Variants in COX15 observed in about 807,000 individuals in gnomAD.
COX15 encodes the protein heme A synthase COX15.
A neutral mutation model predicts 51.9 loss-of-function variants in COX15; 51 were observed. The ratio of observed to expected loss-of-function variants is 0.98; its 90% CI spans 0.78 to 1.24. COX15 has a LOEUF of 1.24. Among genes scored for constraint, COX15 ranks in the 50% most tolerant of loss-of-function variants. The pLI, the probability that COX15 is intolerant of heterozygous loss-of-function variation, is 0.00. For synonymous variants in COX15, 188 were observed against 190.5 expected, an observed-to-expected ratio of 0.99 and a Z score of 0.11; for missense variants, 420 against 501.1, an observed-to-expected ratio of 0.84 and a Z score of 1.55.
chr10:99,726,855 T>G (rs1208234717), intron 4 of COX15, 113 bp downstream of exon 4: 76 of 1,089,328 alleles, frequency 7.0e-5, no homozygotes, highest in Non-Finnish European at 8.4e-5. Context: ...GCCACTGCAC[T>G]CCAGCCTGGG....
intron 8 of COX15, among the ~76,000 whole-genome samples, chr10:99,715,637 T>C (rs1384906011): frequency 6.8e-6 from 1 of 146,464 alleles, no homozygotes; most frequent in East Asian, 2.0e-4. Context: ...AGACTCCATC[T>C]CTAAAAAAAA....
chr10:99,712,115 C>T lies in COX15; in HGVS notation c.*2472G>A, dbSNP rs189947699. 4.7e-5 allele frequency: 25 copies of T among 532,618 alleles called. No individual in the cohort carries two copies. Among genetic ancestry groups the T allele is most frequent in the African/African-American group, 2.3e-4 (11 of 48,340 alleles). 33.0% of individuals were successfully genotyped at this position (532,618 alleles called of 1,614,324 possible). ...GGCACAAAGTCATACATAAGGGATC[C>T]GCCCCCATGACCCAAATACCTCCTA... On this transcript the variant is annotated 3_prime_UTR_variant, in exon 9 of 9. Coordinates refer to ENST00000016171, the MANE Select transcript of COX15 (RefSeq NM_078470.6).
At chr10:99,710,161 C>A (rs1255447240), downstream of COX15, 2 of 985,300 alleles carry the variant, frequency 2.0e-6, no homozygotes, top group African/African-American at 3.5e-5. Context: ...TCCAAGGCAG[C>A]CCTGGTACTT....
At chr10:99,696,814 C>G in the COX15 span, among the ~76,000 whole-genome samples, 1 of 152,112 alleles carries the variant, frequency 6.6e-6, no homozygotes, top group Non-Finnish European at 1.5e-5. Flanking sequence ...TAAATTTACA[C>G]AAAATTTTGG....
chr10:99,708,845 A>G (rs1362283649), downstream of COX15: 4 of 985,338 alleles, frequency 4.1e-6, no homozygotes, highest in African/African-American at 7.0e-5. Flanking sequence ...TGTCAGCTAC[A>G]ATGAAATGCT....
At chr10:99,696,473 TG>T in the COX15 span, among the ~76,000 whole-genome samples, 1 of 152,378 alleles carries the variant, frequency 6.6e-6, no homozygotes, top group African/African-American at 2.4e-5. Flanking sequence ...TGCATGGAAG[TG>T]TTCAAGACAT....
In COX15 at chr10:99,729,765, G is replaced by C. The variant is rs377600942; in HGVS notation, c.91-31C>G. On this transcript the variant is annotated intron_variant, in intron 1 of 8. Coordinates refer to ENST00000016171, the MANE Select transcript of COX15 (RefSeq NM_078470.6). Reference sequence around the variant, plus strand: ...GATCAAGATAGACAAATTACAACTGGAGAAACAGGGAATGGCTGCTACCCA... The same window carrying C: ...GATCAAGATAGACAAATTACAACTGCAGAAACAGGGAATGGCTGCTACCCA... The C allele has an allele frequency of 1.9e-6, 3 of 1,610,896 alleles. No individual in the cohort carries two copies. In the African/African-American group the frequency reaches 4.0e-5, roughly 22 times the overall value.
intron 6 of COX15, among the ~76,000 whole-genome samples, chr10:99,719,059 A>G (rs1045646239): frequency 5.3e-5 from 8 of 152,190 alleles, no homozygotes; most frequent in African/African-American, 1.9e-4. Context: ...CAAATGCTCA[A>G]TAAATGTTTG....
At chr10:99,728,482 C>T (rs767673378) in intron 2 of COX15, among the ~76,000 whole-genome samples, 8 of 152,166 alleles carry the variant, frequency 5.3e-5, no homozygotes, top group Admixed American at 2.6e-4. Flanking sequence ...CTTTCCTATA[C>T]AAACTATACC....
At chr10:99,716,096 A>T (rs1325324028) in intron 8 of COX15, among the ~76,000 whole-genome samples, 2 of 148,642 alleles carry the variant, frequency 1.3e-5, no homozygotes, top group African/African-American at 5.0e-5. Context: ...GGCTCAGGTG[A>T]TCCTCCCATC....
Position 99,727,518 on chromosome 10 carries a change from C to G in COX15, c.318G>C (p.Lys106Asn). 6.2e-7 allele frequency: 1 copy of G among 1,613,830 alleles called. No individual in the cohort carries two copies. The highest frequency in any genetic ancestry group is 1.1e-5 in the South Asian group (1 of 91,078). ...GLSMVDWHLIKEMKPPTSQEE... is the reference protein window; with the variant it reads ...GLSMVDWHLINEMKPPTSQEE... Reference sequence around the variant, plus strand: ...CTTGGCTTGTAGGTGGCTTCATCTCCTTTATTAAATGCCAATCTACCATCG... The same window carrying G: ...CTTGGCTTGTAGGTGGCTTCATCTCGTTTATTAAATGCCAATCTACCATCG... Residue 106 changes from lysine to asparagine, a missense_variant, in exon 3 of 9, where the codon AAG becomes AAC. By Grantham distance (94) the Lys-to-Asn change is moderately conservative. Coordinates refer to ENST00000016171, the MANE Select transcript of COX15 (RefSeq NM_078470.6).
chr10:99,724,169 T>C, intron 4 of COX15, 46 bp from the exon 5 acceptor site: 1 of 1,608,150 alleles, frequency 6.2e-7, no homozygotes. Context: ...GTTAAAATGA[T>C]CTGTTCAACT....
Position 99,727,539 on chromosome 10 carries a change from C to T in COX15, c.297G>A (p.Met99Ile). Residue 99 changes from methionine to isoleucine, a missense_variant, in exon 3 of 9, where the codon ATG becomes ATA. By Grantham distance (10) the Met-to-Ile change is conservative. Transcript: ENST00000016171. ...TCTCCTTTATTAAATGCCAATCTAC[C>T]ATCGAGAGGCCAGACTCTGTCAACC... Reference protein sequence around the residue: ...VTRLTESGLSMVDWHLIKEMK... With the variant: ...VTRLTESGLSIVDWHLIKEMK... 6.2e-7 allele frequency: 1 copy of T among 1,613,652 alleles called. No individual in the cohort carries two copies. The highest frequency in any genetic ancestry group is 8.5e-7 in the Non-Finnish European group (1 of 1,179,972).
chr10:99,697,026 A>G, the COX15 span, among the ~76,000 whole-genome samples: 6 of 152,232 alleles, frequency 3.9e-5, no homozygotes, highest in African/African-American at 1.2e-4. Context: ...CCATTTAGCT[A>G]CGAACACTAG....
intron 3 of COX15, 53 bp from the exon 4 acceptor site, chr10:99,727,207 T>C: frequency 6.3e-7 from 1 of 1,593,632 alleles, no homozygotes; most frequent in Non-Finnish European, 8.6e-7. Flanking sequence ...CCTTCTGATT[T>C]TTATTTTCTT....
Position 99,713,599 on chromosome 10 carries a change from A to G in COX15, c.*988T>C, listed in dbSNP as rs1178375681. 3.4e-6 allele frequency: 5 copies of G among 1,471,428 alleles called. No individual in the cohort carries two copies. The highest frequency in any genetic ancestry group is 4.6e-6 in the Non-Finnish European group (5 of 1,089,246). 91.1% of individuals were successfully genotyped at this position (1,471,428 alleles called of 1,614,324 possible). A position where few individuals can be genotyped will look rare whatever the true frequency, so the allele number is the denominator to read the frequency against. On this transcript the variant is annotated 3_prime_UTR_variant, in exon 9 of 9. Transcript: ENST00000016171. ...ATATTTTTCTTATTACAAAGCTGTTAGGAAACCCTCTCAGGAACCAATTTA... is the reference window on the plus strand; with the variant it reads ...ATATTTTTCTTATTACAAAGCTGTTGGGAAACCCTCTCAGGAACCAATTTA...
the COX15 span, chr10:99,700,995 C>T: frequency 1.1e-5 from 17 of 1,613,774 alleles, no homozygotes; most frequent in Non-Finnish European, 1.4e-5. Context: ...ATGGCTTGGT[C>T]GGTACTAACT....
At chr10:99,731,934 A>G in intron 1 of COX15, 26 bp downstream of exon 1, 1 of 1,596,018 alleles carries the variant, frequency 6.3e-7, no homozygotes, top group Non-Finnish European at 8.5e-7. Flanking sequence ...CGCTCCCGCG[A>G]CTCGGAGTCC....
chr10:99,720,978 G>A lies in COX15; in HGVS notation c.832+9C>T, dbSNP rs777349150. 11 of 1,612,050 alleles carry A rather than the reference G, an allele frequency of 6.8e-6. No individual in the cohort carries two copies. In the Admixed American group the frequency reaches 1.8e-4, roughly 27 times the overall value. On this transcript the variant is annotated intron_variant, in intron 6 of 8. Coordinates refer to ENST00000016171, the MANE Select transcript of COX15 (RefSeq NM_078470.6). ...GCAAACAGGTCATCTTTGATGAGCT[G>A]AGTCCTACCTGAGAGGGCCGTAAGG...
Sources: allele counts gnomAD v4.1 joint callset (sites outside exome capture counted in the v4.1 genomes callset), GRCh38; gene constraint gnomAD v4.1.1; transcripts MANE v1.5; gene names NCBI Gene and HGNC (gene_info 2026-07-23, HGNC 2026-07-21).